The following FRMD1 variants were observed in gnomAD, a reference collection of about 807,000 sequenced individuals.
FRMD1 encodes the protein FERM domain containing 1.
FRMD1 carries 51 observed loss-of-function variants against 54.9 expected under a neutral mutation model. The observed-to-expected ratio is 0.93, with a 90% CI of 0.74 to 1.17. FRMD1 has a LOEUF of 1.17. FRMD1 is among the 50% of genes most tolerant of loss of function. The pLI is 0.00. For missense variants in FRMD1, 729 were observed against 743.0 expected (o/e 0.98, Z 0.22); for synonymous variants, 324 against 306.4 (o/e 1.06, Z -0.60).
intron 1 of FRMD1, chr6:168,075,852 CGTGTCCACATTTCCGGTGCCCG>C (rs1425387881): frequency 6.6e-6 from 10 of 1,515,118 alleles, no homozygotes; most frequent in Non-Finnish European, 8.9e-6. Context: ...TCCGGCGTCC[CGTGTCCACATTTCCGGTGCCCG>C]GTGTCCACAT....
chr6:168,057,245 G>T lies in FRMD1; in HGVS notation c.1502C>A (p.Thr501Asn). 1 of 1,610,784 alleles carries T rather than the reference G, an allele frequency of 6.2e-7. No homozygotes were observed. The highest frequency in any genetic ancestry group is 8.5e-7 in the Non-Finnish European group (1 of 1,178,914). Reference protein sequence around the residue: ...LHQLALHPAPTSLSHTFHRAL... With the variant: ...LHQLALHPAPNSLSHTFHRAL... Reference sequence around the variant, plus strand: ...GCGGTGGAAGGTATGGCTGAGTGAGGTGGGCGCTGGGTGCAGGGCCAGCTG... The same window carrying T: ...GCGGTGGAAGGTATGGCTGAGTGAGTTGGGCGCTGGGTGCAGGGCCAGCTG... The change falls in exon 11 of 11, where the codon ACC becomes AAC. Residue 501 changes from threonine (T) to asparagine (N), a missense_variant. Thr to Asn is a moderately conservative substitution (Grantham distance 65). Transcript: ENST00000283309.
intron 1 of FRMD1, among the ~76,000 whole-genome samples, chr6:168,087,532 G>A (rs781199727): frequency 3.9e-5 from 6 of 152,340 alleles, no homozygotes; most frequent in African/African-American, 7.2e-5. Context: ...ATCGTGAGAC[G>A]GCTCTGTGGG....
intron 1 of FRMD1, 108 bp downstream of exon 1, chr6:168,078,772 CTG>C: frequency 5.2e-5 from 4 of 76,368 alleles, no homozygotes; most frequent in Non-Finnish European, 8.1e-5. Context: ...ATCCAGGGCC[CTG>C]CTCACCCCCA....
intron 2 of FRMD1, among the ~76,000 whole-genome samples, chr6:168,073,970 T>G (rs1800433940): frequency 6.6e-6 from 1 of 152,004 alleles, no homozygotes; most frequent in Admixed American, 6.5e-5. Context: ...GCACTGAGCT[T>G]CATCTCCATC....
intron 4 of FRMD1, 154 bp downstream of exon 4, chr6:168,066,601 C>A (rs1800037330): frequency 1.4e-6 from 2 of 1,423,560 alleles, no homozygotes; most frequent in African/African-American, 2.9e-5. Flanking sequence ...CCTGTGTTAA[C>A]CCCAAAGCAA....
At chr6:168,073,073 G>T (rs1323972242) in intron 2 of FRMD1, among the ~76,000 whole-genome samples, 1 of 152,134 alleles carries the variant, frequency 6.6e-6, no homozygotes, top group Non-Finnish European at 1.5e-5. Flanking sequence ...TATTAACTGG[G>T]CTAGAACTTC....
At chr6:168,087,985 C>T (rs368873528) in intron 1 of FRMD1, among the ~76,000 whole-genome samples, 39 of 152,184 alleles carry the variant, frequency 2.6e-4, no homozygotes, top group Admixed American at 1.4e-3. Flanking sequence ...TCAGTGAGGG[C>T]GGGGCTCTGT....
chr6:168,058,625 C>T (rs1799545862), intron 10 of FRMD1, among the ~76,000 whole-genome samples: 1 of 152,190 alleles, frequency 6.6e-6, no homozygotes, highest in Non-Finnish European at 1.5e-5. Flanking sequence ...CTGTTCCCCA[C>T]CTGGGCATCC....
upstream of FRMD1, among the ~76,000 whole-genome samples, chr6:168,083,355 TAGC>T (rs1800868378): frequency 6.6e-6 from 1 of 152,164 alleles, no homozygotes; most frequent in African/African-American, 2.4e-5. Context: ...TTATTTATCT[TAGC>T]AGCAGGAAGG....
At chr6:168,067,555 CTG>C (rs1299353159) in intron 2 of FRMD1, 109 bp from the exon 3 acceptor site, 20 of 696,814 alleles carry the variant, frequency 2.9e-5, no homozygotes, top group South Asian at 7.4e-5. Context: ...CAGCTGAAAA[CTG>C]TGCGTCTGCA....
Position 168,078,739 on chromosome 6 carries a change from TGGCTCTGTTTACTCCCAA to T in FRMD1, c.213+125_213+142del, listed in dbSNP as rs1562430430. On this transcript the variant is annotated intron_variant, in intron 1 of 10. Coordinates refer to ENST00000283309, the MANE Select transcript of FRMD1 (RefSeq NM_024919.6). ...CCACCCAGGGCCCTCCTCACCCCCA[TGGCTCTGTTTACTCCCAA>T]GGCCATCCAGGGCCCTGCTCACCCC... 8 of 640,080 alleles carry T rather than the reference TGGCTCTGTTTACTCCCAA, an allele frequency of 1.2e-5. No homozygotes were observed. The African/African-American group carries it at 1.9e-4, about 15-fold the overall frequency. 39.7% of individuals were successfully genotyped at this position (640,080 alleles called of 1,614,324 possible).
chr6:168,065,589 G>A, intron 4 of FRMD1: 1 of 986,752 alleles, frequency 1.0e-6, no homozygotes, highest in Non-Finnish European at 1.2e-6. Context: ...GCACCAGGTA[G>A]CTCCATCCAT....
chr6:168,064,952 C>T lies in FRMD1; in HGVS notation c.567G>A (p.Ala189=), dbSNP rs776651900. The change falls in exon 5 of 11, where the codon GCG becomes GCA. Residue 189 remains alanine, a synonymous_variant. Coordinates refer to ENST00000283309, the MANE Select transcript of FRMD1 (RefSeq NM_024919.6). ...EEAYFLLAAC[A]LQADLGEHRE... is the part of the protein sequence containing the mutation. ...GGTGCTCGCCCAGGTCAGCCTGCAG[C>T]GCGCAGGCAGCCAGCAGGAAGTAGG... 12 of 1,611,330 alleles carry T rather than the reference C, an allele frequency of 7.4e-6. No homozygotes were observed. Among genetic ancestry groups the T allele is most frequent in the East Asian group, 4.5e-5 (2 of 44,826 alleles).
chr6:168,085,308 T>C (rs1386120978), upstream of FRMD1, among the ~76,000 whole-genome samples: 2 of 152,162 alleles, frequency 1.3e-5, no homozygotes, highest in Non-Finnish European at 2.9e-5. Context: ...TTCCAGAAAG[T>C]GGCAGCCGCC....
At chr6:168,070,737 GACAT>G (rs533942699) in intron 2 of FRMD1, among the ~76,000 whole-genome samples, 102 of 152,316 alleles carry the variant, frequency 6.7e-4, no homozygotes, top group African/African-American at 2.4e-3. Context: ...CGTGTATACA[GACAT>G]ACACATACGC....
chr6:168,063,215 C>T (rs778212864), intron 6 of FRMD1, among the ~76,000 whole-genome samples: 1 of 152,168 alleles, frequency 6.6e-6, no homozygotes. Flanking sequence ...GGCCCGGGGT[C>T]CTGGTCCCAC....
chr6:168,055,513 C>G lies in FRMD1; in HGVS notation c.*1584G>C, dbSNP rs996593068. 3.9e-5 allele frequency: 6 copies of G among 152,212 alleles called. No homozygotes were observed. The highest frequency in any genetic ancestry group is 1.2e-4 in the African/African-American group (5 of 41,430). The allele number at this position is 152,212 out of a possible 1,614,324, so 9.4% of individuals were successfully genotyped here. On this transcript the variant is annotated 3_prime_UTR_variant, in exon 11 of 11. Transcript: ENST00000283309. ...CCCTCATGGTCCATGGGACTGGGCT[C>G]TTGCTTCCAAGTTTCTTCAAAGGAA...
At chr6:168,084,054 A>T (rs985540725), upstream of FRMD1, among the ~76,000 whole-genome samples, 5 of 152,210 alleles carry the variant, frequency 3.3e-5, no homozygotes, top group Non-Finnish European at 5.9e-5. Flanking sequence ...AATAGCCTGC[A>T]GCTTCTAGCA....
chr6:168,075,850 CCCGTG>C (rs1800566889), intron 1 of FRMD1: 11 of 1,522,506 alleles, frequency 7.2e-6, no homozygotes, highest in Non-Finnish European at 9.7e-6. Context: ...TTTCCGGCGT[CCCGTG>C]TCCACATTTC....
Sources: gnomAD v4.1 joint callset for allele counts (sites outside exome capture counted in the v4.1 genomes callset) on GRCh38, gnomAD v4.1.1 for gene constraint, MANE v1.5 for transcripts, NCBI Gene and HGNC (gene_info 2026-07-23, HGNC 2026-07-21) for gene names.